The following ZCCHC2 variants were observed in gnomAD, a reference collection of about 807,000 sequenced individuals.
ZCCHC2 encodes the protein zinc finger CCHC-type containing 2, also known as zinc finger CCHC domain-containing protein 2.
Under a neutral mutation model 103.6 loss-of-function variants are expected in ZCCHC2, and 39 were observed. The observed-to-expected ratio is 0.38, with a 90% CI of 0.29 to 0.49. ZCCHC2 has a LOEUF of 0.49. ZCCHC2 is among the 20% of genes least tolerant of loss of function. The pLI, the probability that ZCCHC2 is intolerant of heterozygous loss-of-function variation, is 0.96. For missense variants in ZCCHC2, 1,483 were observed against 1,491.0 expected (o/e 0.99, Z 0.09); for synonymous variants, 687 against 608.9 (o/e 1.13, Z -1.89).
Position 62,576,839 on chromosome 18 carries a change from G to T in ZCCHC2, c.*260G>T. ...CCTTCAGACAAACTTAAATGTTGGT[G>T]CGTGCTTTTTTTTTTTTTTTTACAC... On this transcript the variant is annotated 3_prime_UTR_variant, in exon 14 of 14. Transcript: ENST00000269499. 3.7e-6 allele frequency: 1 copy of T among 269,150 alleles called. No individual in the cohort carries two copies. The highest frequency in any genetic ancestry group is 6.3e-6 in the Non-Finnish European group (1 of 158,220). 16.7% of individuals were successfully genotyped at this position (269,150 alleles called of 1,614,324 possible).
chr18:62,523,925 C>G lies in ZCCHC2; in HGVS notation c.501C>G (p.Pro167=). The change falls in exon 1 of 14, where the codon CCC becomes CCG. Residue 167 remains proline, a synonymous_variant. Transcript: ENST00000269499. ...GGCCGCTGGCCGACTTCCGAGAGCCCGCGGTGCGCTCGCGCCTCATCGTCT... is the reference window on the plus strand; with the variant it reads ...GGCCGCTGGCCGACTTCCGAGAGCCGGCGGTGCGCTCGCGCCTCATCGTCT... ...DPGPLADFRE[P]AVRSRLIVYL... 2.0e-6 allele frequency: 3 copies of G among 1,531,872 alleles called. No individual in the cohort carries two copies. Among genetic ancestry groups the G allele is most frequent in the South Asian group, 1.2e-5 (1 of 83,146 alleles). The allele number at this position is 1,531,872 out of a possible 1,614,324, so 94.9% of individuals were successfully genotyped here. A position where few individuals can be genotyped will look rare whatever the true frequency, so the allele number is the denominator to read the frequency against.
intron 1 of ZCCHC2, among the ~76,000 whole-genome samples, chr18:62,529,176 A>G (rs1422482086): frequency 1.3e-5 from 2 of 152,060 alleles, no homozygotes; most frequent in East Asian, 3.9e-4. Flanking sequence ...AAAAAAAAAA[A>G]AAAAAGATGC....
chr18:62,555,413 A>T (rs1915844582), intron 5 of ZCCHC2, among the ~76,000 whole-genome samples: 1 of 152,236 alleles, frequency 6.6e-6, no homozygotes, highest in Non-Finnish European at 1.5e-5. Flanking sequence ...TATATGTATG[A>T]TATATGATAA....
Position 62,574,782 on chromosome 18 carries a change from G to A in ZCCHC2, c.2701G>A (p.Val901Ile). 6.2e-7 allele frequency: 1 copy of A among 1,614,000 alleles called. No individual in the cohort carries two copies. Among genetic ancestry groups the A allele is most frequent in the Non-Finnish European group, 8.5e-7 (1 of 1,179,890 alleles). ...CCCTCAGCCTACCAATGTGAAGGTAGTTCTTCCAGCAGCTGGCCTCTCAGC... is the reference window on the plus strand; with the variant it reads ...CCCTCAGCCTACCAATGTGAAGGTAATTCTTCCAGCAGCTGGCCTCTCAGC... ...TVPQPTNVKV[V>I]LPAAGLSAAQ... is the part of the protein sequence containing the mutation. The change falls in exon 13 of 14, where the codon GTT becomes ATT. Residue 901 changes from valine to isoleucine, a missense_variant. Physicochemically the swap from Val to Ile is conservative, Grantham distance 29. Around this residue, in one of 3 missense-constraint regions of ZCCHC2, gnomAD observed 884 missense variants for 907.5 expected, o/e 0.97. Coordinates refer to ENST00000269499, the MANE Select transcript of ZCCHC2 (RefSeq NM_017742.6).
intron 4 of ZCCHC2, among the ~76,000 whole-genome samples, chr18:62,547,254 G>A (rs893853903): frequency 6.6e-6 from 1 of 151,644 alleles, no homozygotes; most frequent in Non-Finnish European, 1.5e-5. Context: ...GAACCCCAAA[G>A]GTGGAGGTTG....
In ZCCHC2 at chr18:62,523,387, C is replaced by G. The variant is rs1043302400; in HGVS notation, c.-38C>G. The G allele has an allele frequency of 2.0e-6, 2 of 1,014,214 alleles. No homozygotes were observed. Among genetic ancestry groups the G allele is most frequent in the Non-Finnish European group, 2.4e-6 (2 of 849,082 alleles). 62.8% of individuals were successfully genotyped at this position (1,014,214 alleles called of 1,614,324 possible). On this transcript the variant is annotated 5_prime_UTR_variant, in exon 1 of 14. Transcript: ENST00000269499. ...TGCTCCACCTCGCGGCCCCTCCCGCCCGCCCCCGCTCGCATGTCTGCGCCG... is the reference window on the plus strand; with the variant it reads ...TGCTCCACCTCGCGGCCCCTCCCGCGCGCCCCCGCTCGCATGTCTGCGCCG...
In ZCCHC2 at chr18:62,560,577, T is replaced by C; in HGVS notation, c.1493-10T>C. The stretch of plus-strand genomic sequence containing the variant: ...TTTAGTGTAATAAGTTACTTTTTCC[T>C]CTCTTCTAGATGTGTTGCAGCATGC... On this transcript the variant is annotated splice_polypyrimidine_tract_variant and intron_variant, in intron 7 of 13. Coordinates refer to ENST00000269499, the MANE Select transcript of ZCCHC2 (RefSeq NM_017742.6). The C allele has an allele frequency of 1.2e-6, 2 of 1,610,002 alleles. No individual in the cohort carries two copies. Among genetic ancestry groups the C allele is most frequent in the Non-Finnish European group, 1.7e-6 (2 of 1,177,946 alleles).
intron 3 of ZCCHC2, among the ~76,000 whole-genome samples, chr18:62,543,004 G>T (rs549548091): frequency 1.3e-5 from 2 of 152,258 alleles, no homozygotes; most frequent in African/African-American, 4.8e-5. Flanking sequence ...CCTTTCCACA[G>T]CTGGGATTAG....
At position 62,575,019 on chromosome 18, in the gene ZCCHC2, A is replaced by G. The variant is rs1916769349; in HGVS notation, c.2938A>G (p.Thr980Ala). Reference protein sequence around the residue: ...PSPSPALTHSTAQSDSTSYIS... With the variant: ...PSPSPALTHSAAQSDSTSYIS... ...CCCAAGCCCTGCCTTGACACACAGT[A>G]CCGCGCAGAGTGACAGCACCTCTTA... is the stretch of plus-strand genomic sequence containing the variant. The change falls in exon 13 of 14, where the codon ACC becomes GCC. Residue 980 changes from threonine to alanine, a missense_variant. This residue lies in a region of ZCCHC2 where 884 missense variants were observed against 907.5 expected (regional missense o/e 0.97). Transcript: ENST00000269499. 1.2e-6 allele frequency: 2 copies of G among 1,613,982 alleles called. No homozygotes were observed. Among genetic ancestry groups the G allele is most frequent in the Non-Finnish European group, 1.7e-6 (2 of 1,179,880 alleles).
At position 62,523,236 on chromosome 18, in the gene ZCCHC2, G is replaced by C; in HGVS notation, c.-189G>C. 1 of 325,882 alleles carries C rather than the reference G, an allele frequency of 3.1e-6. No individual in the cohort carries two copies. The highest frequency in any genetic ancestry group is 4.4e-6 in the Non-Finnish European group (1 of 227,258). 20.2% of individuals were successfully genotyped at this position (325,882 alleles called of 1,614,324 possible). On this transcript the variant is annotated 5_prime_UTR_variant, in exon 1 of 14. Transcript: ENST00000269499. ...CGCCCCGCCCCCAGCCCGGGAAGAC[G>C]ACGCCAGCGACCCCGCCGGCCGGCC...
In ZCCHC2 at chr18:62,523,956, G is replaced by C; in HGVS notation, c.532G>C (p.Ala178Pro). 1 of 1,506,286 alleles carries C rather than the reference G, an allele frequency of 6.6e-7. No individual in the cohort carries two copies. Among genetic ancestry groups the C allele is most frequent in the Non-Finnish European group, 8.8e-7 (1 of 1,131,950 alleles). 93.3% of individuals were successfully genotyped at this position (1,506,286 alleles called of 1,614,324 possible). ...GCGCTCGCGCCTCATCGTCTACCTGGCGCTGCTGGGCTCGGAGAACCGGGA... is the reference window on the plus strand; with the variant it reads ...GCGCTCGCGCCTCATCGTCTACCTGCCGCTGCTGGGCTCGGAGAACCGGGA... ...AVRSRLIVYLALLGSENREAA... is the reference protein window; with the variant it reads ...AVRSRLIVYLPLLGSENREAA... Residue 178 changes from alanine to proline, a missense_variant, in exon 1 of 14, where the codon GCG (alanine) becomes CCG (proline). Physicochemically the swap from Ala to Pro is conservative, Grantham distance 27. Transcript: ENST00000269499.
chr18:62,527,660 G>T (rs28444870), intron 1 of ZCCHC2, among the ~76,000 whole-genome samples: 31,028 of 152,124 alleles, frequency 0.2, 3,629 homozygotes, highest in Non-Finnish European at 0.27. Context: ...ATTCAGCAAA[G>T]AGGCCAGGGA....
At chr18:62,527,233 C>T (rs1914467738) in intron 1 of ZCCHC2, among the ~76,000 whole-genome samples, 1 of 152,172 alleles carries the variant, frequency 6.6e-6, no homozygotes, top group Non-Finnish European at 1.5e-5. Context: ...TCTCACAGGA[C>T]TTCCTTGTAT....
chr18:62,566,870 T>G (rs1470756456), intron 11 of ZCCHC2, among the ~76,000 whole-genome samples: 4 of 152,228 alleles, frequency 2.6e-5, no homozygotes, highest in African/African-American at 7.2e-5. Flanking sequence ...TACCTAGGTG[T>G]TCACTGCAGC....
At position 62,565,034 on chromosome 18, in the gene ZCCHC2, A is replaced by G; in HGVS notation, c.1784A>G (p.Asn595Ser). The change falls in exon 11 of 14, where the codon AAT (asparagine) becomes AGT (serine). Residue 595 changes from asparagine to serine, a missense_variant. Asn to Ser is a conservative substitution (Grantham distance 46, BLOSUM62 1). Transcript: ENST00000269499. Reference protein sequence around the residue: ...EKIKKTDNRLNSRINGIRLST... With the variant: ...EKIKKTDNRLSSRINGIRLST... ...ATTAAGAAAACTGACAACAGATTGA[A>G]TAGTAGAATAAATGGTATTAGACTC... is the stretch of plus-strand genomic sequence containing the variant. The G allele has an allele frequency of 6.2e-7, 1 of 1,613,626 alleles. No homozygotes were observed. The highest frequency in any genetic ancestry group is 8.5e-7 in the Non-Finnish European group (1 of 1,179,638).
chr18:62,532,769 C>T (rs1914742981), intron 1 of ZCCHC2, among the ~76,000 whole-genome samples: 1 of 152,216 alleles, frequency 6.6e-6, no homozygotes. Context: ...GGTGTGGTGG[C>T]TCATGCCTGT....
chr18:62,569,671 T>C (rs1351523644), intron 11 of ZCCHC2, among the ~76,000 whole-genome samples: 1 of 152,148 alleles, frequency 6.6e-6, no homozygotes, highest in African/African-American at 2.4e-5. Flanking sequence ...CTATTCAGTC[T>C]ACTAGATGGG....
intron 11 of ZCCHC2, among the ~76,000 whole-genome samples, chr18:62,568,563 TAAAG>T (rs1439345406): frequency 6.6e-6 from 1 of 152,252 alleles, no homozygotes; most frequent in African/African-American, 2.4e-5. Flanking sequence ...TTGCACAGTG[TAAAG>T]AAAATAGTTT....
intron 8 of ZCCHC2, among the ~76,000 whole-genome samples, chr18:62,561,221 T>C (rs1568552409): frequency 1.3e-5 from 2 of 152,230 alleles, no homozygotes; most frequent in Admixed American, 6.5e-5. Context: ...AATTTTTATC[T>C]GGAAAAAATG....
Sources: gnomAD v4.1 joint callset for allele counts (sites outside exome capture counted in the v4.1 genomes callset) on GRCh38, gnomAD v4.1.1 for gene constraint, gnomAD v4.1.1 regional missense constraint, MANE v1.5 for transcripts, NCBI Gene and HGNC (gene_info 2026-07-23, HGNC 2026-07-21) for gene names.